CD300LG: variants seen among roughly 807,000 people sequenced by gnomAD.
CD300LG encodes CD300 molecule like family member g.
Under a neutral mutation model 31.5 loss-of-function variants are expected in CD300LG, and 29 were observed. The ratio of observed to expected loss-of-function variants is 0.92; its 90% CI spans 0.68 to 1.25. The LOEUF is 1.25. Among genes scored for constraint, CD300LG ranks in the 50% most tolerant of loss-of-function variants. The pLI, the probability that CD300LG is intolerant of heterozygous loss-of-function variation, is 0.00. For synonymous variants in CD300LG, 175 were observed against 177.2 expected, an observed-to-expected ratio of 0.99 and a Z score of 0.10; for missense variants, 396 against 417.6, an observed-to-expected ratio of 0.95 and a Z score of 0.45.
In CD300LG at chr17:43,853,829, A is replaced by C; in HGVS notation, c.504A>C (p.Ala168=). Residue 168 remains alanine, a synonymous_variant, in exon 4 of 7, where the codon GCA becomes GCC. Transcript: ENST00000317310. ...PGLTSPGLYP[A]ATTAKQGKTG... ...TAGCTTCTCCTGGGCTCTACCCGGC[A>C]GCCACCACAGCCAAGCAGGGGAAGA... 2.5e-6 allele frequency: 4 copies of C among 1,613,976 alleles called. No homozygotes were observed. Among genetic ancestry groups the C allele is most frequent in the Non-Finnish European group, 3.4e-6 (4 of 1,179,918 alleles).
At chr17:43,849,267 A>G in intron 2 of CD300LG, 1 of 366,456 alleles carries the variant, frequency 2.7e-6, no homozygotes, top group Non-Finnish European at 4.9e-6. Flanking sequence ...GATATTCCTG[A>G]GGCCTCCCGA....
At chr17:43,856,044 C>T (rs927112105) in intron 5 of CD300LG, among the ~76,000 whole-genome samples, 2 of 152,136 alleles carry the variant, frequency 1.3e-5, no homozygotes, top group African/African-American at 2.4e-5. Context: ...ATGGCTCAAG[C>T]GATCCTCCTG....
At chr17:43,857,717 G>C in intron 6 of CD300LG, 6 of 1,454,256 alleles carry the variant, frequency 4.1e-6, no homozygotes, top group Non-Finnish European at 5.6e-6. Flanking sequence ...TCTTGCCCAT[G>C]GTCACACAGC....
At chr17:43,858,091 A>T (rs775774463) in intron 6 of CD300LG, 55 of 1,392,494 alleles carry the variant, frequency 3.9e-5, no homozygotes, top group Non-Finnish European at 4.9e-5. Context: ...TCCTTTAAAC[A>T]CAAGGGCAGG....
chr17:43,862,660 G>A lies in CD300LG; in HGVS notation c.*749G>A, dbSNP rs1006666943. 6.6e-6 allele frequency: 1 copy of A among 152,318 alleles called. No individual in the cohort carries two copies. Among genetic ancestry groups the A allele is most frequent in the Non-Finnish European group, 1.5e-5 (1 of 68,146 alleles). 9.4% of individuals were successfully genotyped at this position (152,318 alleles called of 1,614,324 possible). On this transcript the variant is annotated 3_prime_UTR_variant, in exon 7 of 7. Transcript: ENST00000317310. ...AGATCTGCTCTGTCTGCGACACCAA[G>A]ATCCAGCTGGGGACTCCCCTGAGGC...
rs971896234 is a variant in CD300LG, at chr17:43,848,615, C to T, written c.101C>T (p.Ser34Phe). 7.4e-6 allele frequency: 12 copies of T among 1,614,034 alleles called. No homozygotes were observed. The highest frequency in any genetic ancestry group is 1.0e-5 in the Non-Finnish European group (12 of 1,180,038). The change falls in exon 2 of 7, where the codon TCC becomes TTC. Residue 34 changes from serine to phenylalanine, a missense_variant. By Grantham distance (155) the Ser-to-Phe change is radical. Transcript: ENST00000317310. ...AGCGGGTTCGAAGGGGACACTGTGT[C>T]CCTGCAGTGCACCTACAGGGAAGAG... Reference protein sequence around the residue: ...EISGFEGDTVSLQCTYREELR... With the variant: ...EISGFEGDTVFLQCTYREELR...
intron 6 of CD300LG, 46 bp downstream of exon 6, chr17:43,857,202 G>A (rs1231160420): frequency 2.5e-6 from 4 of 1,605,398 alleles, no homozygotes; most frequent in South Asian, 1.1e-5. Flanking sequence ...TCCCCTTGGG[G>A]CTGGAAGTCA....
intron 3 of CD300LG, 28 bp downstream of exon 3, chr17:43,853,041 C>T: frequency 1.9e-6 from 3 of 1,574,790 alleles, no homozygotes; most frequent in Non-Finnish European, 2.6e-6. Context: ...CCGCCCCTTC[C>T]CTTGCCACCC....
At chr17:43,859,740 G>A (rs994553691) in intron 6 of CD300LG, among the ~76,000 whole-genome samples, 2 of 152,150 alleles carry the variant, frequency 1.3e-5, no homozygotes, top group Admixed American at 6.5e-5. Flanking sequence ...GGAGGGACAA[G>A]GGCCCTAAGT....
intron 1 of CD300LG, 135 bp downstream of exon 1, chr17:43,847,394 T>TGGGGGTGGGGGG: frequency 6.4e-6 from 2 of 311,076 alleles, no homozygotes; most frequent in Non-Finnish European, 6.1e-6. Context: ...CGGGGCGGGC[T>TGGGGGTGGGGGG]GGGGGTGGGG....
intron 5 of CD300LG, 138 bp from the exon 6 acceptor site, chr17:43,856,966 C>G: frequency 4.0e-6 from 3 of 757,298 alleles, no homozygotes; most frequent in Non-Finnish European, 6.9e-6. Flanking sequence ...GGCTCCTCTG[C>G]CCATCTGGCT....
intron 2 of CD300LG, chr17:43,849,288 A>C (rs1186555559): frequency 9.1e-6 from 3 of 330,394 alleles, no homozygotes; most frequent in Non-Finnish European, 1.7e-5. Context: ...GGCTGGGCCA[A>C]CCATTGCTGC....
At chr17:43,861,543 C>G (rs1187814210) in intron 6 of CD300LG, among the ~76,000 whole-genome samples, 1 of 152,212 alleles carries the variant, frequency 6.6e-6, no homozygotes, top group African/African-American at 2.4e-5. Context: ...GCCCTCAAGG[C>G]CACAACTGCG....
At position 43,861,820 on chromosome 17, in the gene CD300LG, C is replaced by A; in HGVS notation, c.908C>A (p.Pro303His). ...CAGACTGCGGAGGAAAAGGAAGCCC[C>A]TTCCCAGGCCCCTGAGGGGGACGTG... ...SRLTAEEKEAPSQAPEGDVIS... is the reference protein window; with the variant it reads ...SRLTAEEKEAHSQAPEGDVIS... The change falls in exon 7 of 7, where the codon CCT becomes CAT. Residue 303 changes from proline (P) to histidine (H), a missense_variant. By Grantham distance (77) the Pro-to-His change is moderately conservative. Transcript: ENST00000317310. 8 of 1,610,134 alleles carry A rather than the reference C, an allele frequency of 5.0e-6. No individual in the cohort carries two copies. Among genetic ancestry groups the A allele is most frequent in the Non-Finnish European group, 6.8e-6 (8 of 1,178,380 alleles).
At chr17:43,861,104 C>G (rs1295916125) in intron 6 of CD300LG, 2 of 985,234 alleles carry the variant, frequency 2.0e-6, no homozygotes, top group Non-Finnish European at 2.4e-6. Flanking sequence ...CTGCCAAGAA[C>G]AGGCTGTTCT....
chr17:43,847,376 T>C, intron 1 of CD300LG, 117 bp downstream of exon 1: 1 of 1,045,914 alleles, frequency 9.6e-7, no homozygotes, highest in Non-Finnish European at 1.3e-6. Context: ...TCCTCAGCCC[T>C]AGGGGAGCGG....
intron 6 of CD300LG, among the ~76,000 whole-genome samples, chr17:43,859,947 G>T (rs756758322): frequency 9.2e-4 from 140 of 152,268 alleles, no homozygotes; most frequent in Non-Finnish European, 1.3e-3. Context: ...TGTTGCCCAG[G>T]TTGGTCTCAA....
chr17:43,862,055 T>G lies in CD300LG; in HGVS notation c.*144T>G, dbSNP rs2046665353. On this transcript the variant is annotated 3_prime_UTR_variant, in exon 7 of 7. Transcript: ENST00000317310. ...TCCCCACCCTCCCCAGGCTCTCCTC[T>G]TGCATGTTCCAGCCTGACCTAGAAG... The G allele has an allele frequency of 1.8e-6, 1 of 557,876 alleles. No individual in the cohort carries two copies. The allele number at this position is 557,876 out of a possible 1,614,324, so 34.6% of individuals were successfully genotyped here.
chr17:43,853,848 G>T lies in CD300LG; in HGVS notation c.523G>T (p.Gly175Trp), dbSNP rs552093596. ...LYPAATTAKQGKTGAEAPPLP... is the reference protein window; with the variant it reads ...LYPAATTAKQWKTGAEAPPLP... ...CCCGGCAGCCACCACAGCCAAGCAG[G>T]GGAAGACAGGGGCTGAGGCCCCTCC... Residue 175 changes from glycine to tryptophan, a missense_variant, in exon 4 of 7, where the codon GGG (glycine) becomes TGG (tryptophan). Physicochemically the swap from Gly to Trp is radical, Grantham distance 184. Coordinates refer to ENST00000317310, the MANE Select transcript of CD300LG (RefSeq NM_145273.4). The T allele has an allele frequency of 1.9e-6, 3 of 1,614,098 alleles. No individual in the cohort carries two copies. In the Admixed American group the frequency reaches 5.0e-5, roughly 27 times the overall value.
Sources: allele counts gnomAD v4.1 joint callset (sites outside exome capture counted in the v4.1 genomes callset), GRCh38; gene constraint gnomAD v4.1.1; transcripts MANE v1.5; gene names NCBI Gene and HGNC (gene_info 2026-07-23, HGNC 2026-07-21).